KIAA1328: variants seen among roughly 807,000 people sequenced by gnomAD.
The protein encoded by KIAA1328 is protein hinderin.
A neutral mutation model predicts 68.1 loss-of-function variants in KIAA1328; 52 were observed. The observed-to-expected ratio is 0.76, with a 90% CI of 0.61 to 0.96. The LOEUF is 0.96. Among genes scored for constraint, KIAA1328 ranks in the 40% least tolerant of loss-of-function variants. The pLI is 0.00. For synonymous variants in KIAA1328, 232 were observed against 239.4 expected, an observed-to-expected ratio of 0.97 and a Z score of 0.28; for missense variants, 641 against 677.6, an observed-to-expected ratio of 0.95 and a Z score of 0.60.
chr18:37,168,808 T>A (rs1400994666), intron 8 of KIAA1328, among the ~76,000 whole-genome samples: 2 of 152,182 alleles, frequency 1.3e-5, no homozygotes, highest in Non-Finnish European at 2.9e-5. Context: ...CTTGCTTTCT[T>A]GAGCTGGGAA....
At position 37,224,125 on chromosome 18, in the gene KIAA1328, T is replaced by C. The variant is rs1011148030; in HGVS notation, c.*1898T>C. On this transcript the variant is annotated 3_prime_UTR_variant, in exon 10 of 10. Transcript: ENST00000280020. ...AAGTTAGGTTGCCAGAACTTTCTTTTCCTTGCCCCCTGTGTCATGACTAGC... is the reference window on the plus strand; with the variant it reads ...AAGTTAGGTTGCCAGAACTTTCTTTCCCTTGCCCCCTGTGTCATGACTAGC... 45 of 985,374 alleles carry C rather than the reference T, an allele frequency of 4.6e-5. No homozygotes were observed. In the African/African-American group the frequency reaches 7.5e-4, roughly 16 times the overall value. 61.0% of individuals were successfully genotyped at this position (985,374 alleles called of 1,614,324 possible). A position where few individuals can be genotyped will look rare whatever the true frequency, so the allele number is the denominator to read the frequency against.
At chr18:36,939,112 A>G (rs2050613339) in intron 5 of KIAA1328, among the ~76,000 whole-genome samples, 1 of 151,686 alleles carries the variant, frequency 6.6e-6, no homozygotes, top group Non-Finnish European at 1.5e-5. Context: ...TGTTTTTCCT[A>G]TTTTTCTGTT....
intron 6 of KIAA1328, among the ~76,000 whole-genome samples, chr18:37,056,430 C>G (rs1284526872): frequency 6.7e-6 from 1 of 150,152 alleles, no homozygotes; most frequent in Non-Finnish European, 1.5e-5. Context: ...TTTTTTAATC[C>G]TTGTTCTTTT....
chr18:37,109,322 C>A (rs1419001695), intron 7 of KIAA1328, among the ~76,000 whole-genome samples: 1 of 152,156 alleles, frequency 6.6e-6, no homozygotes, highest in Non-Finnish European at 1.5e-5. Context: ...GTATAAACAT[C>A]ATTTGTTAAT....
At chr18:37,071,899 C>G (rs1265155719) in intron 7 of KIAA1328, among the ~76,000 whole-genome samples, 2 of 152,048 alleles carry the variant, frequency 1.3e-5, no homozygotes, top group Non-Finnish European at 2.9e-5. Context: ...AAGAGTTTCT[C>G]ATTGAGAATA....
At position 36,868,453 on chromosome 18, in the gene KIAA1328, A is replaced by G. The variant is rs2047829399; in HGVS notation, c.333-17104A>G. On this transcript the variant is annotated intron_variant, in intron 4 of 9. Coordinates refer to ENST00000280020, the MANE Select transcript of KIAA1328 (RefSeq NM_020776.3). ...CAGTGTCATTTTTGAAGACTTGAAAAATGAATGGCTTTGCAAAATACTATA... is the reference window on the plus strand; with the variant it reads ...CAGTGTCATTTTTGAAGACTTGAAAGATGAATGGCTTTGCAAAATACTATA... Among the ~76,000 whole-genome samples the G allele has an allele frequency of 2.0e-5, 3 of 152,194 alleles. No individual in the cohort carries two copies. The South Asian group carries it at 6.2e-4, about 32-fold the overall frequency.
intron 6 of KIAA1328, among the ~76,000 whole-genome samples, chr18:36,964,251 G>T (rs894991108): frequency 1.6e-4 from 24 of 152,182 alleles, no homozygotes; most frequent in African/African-American, 5.3e-4. Flanking sequence ...GCACAAATAT[G>T]CTAGAGATGG....
At chr18:36,849,884 C>T (rs75388865) in intron 4 of KIAA1328, among the ~76,000 whole-genome samples, 1 of 152,134 alleles carries the variant, frequency 6.6e-6, no homozygotes, top group East Asian at 1.9e-4. Context: ...TGGATTATAG[C>T]CATGCTAGTA....
chr18:37,059,326 G>A (rs1270632979), intron 6 of KIAA1328, among the ~76,000 whole-genome samples: 2 of 151,758 alleles, frequency 1.3e-5, no homozygotes, highest in Non-Finnish European at 2.9e-5. Context: ...AATCTACAAG[G>A]AACTTAAACA....
intron 9 of KIAA1328, among the ~76,000 whole-genome samples, chr18:37,189,144 C>T (rs993392765): frequency 2.6e-5 from 4 of 152,290 alleles, no homozygotes; most frequent in African/African-American, 9.6e-5. Context: ...TCTCTGTTAA[C>T]CCTGGTTACT....
At chr18:37,105,538 A>G (rs927305365) in intron 7 of KIAA1328, among the ~76,000 whole-genome samples, 14 of 151,758 alleles carry the variant, frequency 9.2e-5, no homozygotes, top group African/African-American at 3.4e-4. Flanking sequence ...TACTGCAGAA[A>G]AGTATTTGCT....
chr18:36,885,698 T>C (rs2048474762), intron 5 of KIAA1328, 26 bp downstream of exon 5: 1 of 1,403,208 alleles, frequency 7.1e-7, no homozygotes, highest in Admixed American at 2.3e-5. Flanking sequence ...TTCTCTTTTT[T>C]AACGTTCAAG....
chr18:37,110,834 G>A (rs1034848877), intron 7 of KIAA1328, among the ~76,000 whole-genome samples: 5 of 152,124 alleles, frequency 3.3e-5, no homozygotes, highest in African/African-American at 1.2e-4. Flanking sequence ...CGTCTCAGAA[G>A]AACTTGCAAT....
chr18:37,185,821 ACTGT>A (rs959546300), intron 9 of KIAA1328, among the ~76,000 whole-genome samples: 2 of 151,820 alleles, frequency 1.3e-5, no homozygotes, highest in East Asian at 1.9e-4. Context: ...AAAAAAAAAG[ACTGT>A]CTGTTTTTCT....
chr18:36,942,357 C>T (rs2050746649), intron 5 of KIAA1328, among the ~76,000 whole-genome samples: 1 of 152,146 alleles, frequency 6.6e-6, no homozygotes, highest in African/African-American at 2.4e-5. Flanking sequence ...GTTTTCTGAA[C>T]AAGTGGTGTA....
chr18:37,142,514 A>C (rs1039780603), intron 7 of KIAA1328, among the ~76,000 whole-genome samples: 1 of 151,996 alleles, frequency 6.6e-6, no homozygotes, highest in Non-Finnish European at 1.5e-5. Context: ...TTCCATACAG[A>C]TATTCTGTTT....
intron 6 of KIAA1328, among the ~76,000 whole-genome samples, chr18:36,987,305 A>C (rs2052968211): frequency 7.2e-6 from 1 of 138,652 alleles, no homozygotes; most frequent in Non-Finnish European, 1.6e-5. Flanking sequence ...TGGACACAGG[A>C]AGGGGAATAT....
chr18:37,089,998 T>G (rs1461740189), intron 7 of KIAA1328, among the ~76,000 whole-genome samples: 3 of 152,194 alleles, frequency 2.0e-5, no homozygotes, highest in Non-Finnish European at 4.4e-5. Context: ...CTCTTATTTG[T>G]CATTAAGGCC....
chr18:36,930,724 A>G (rs1229844235), intron 5 of KIAA1328, among the ~76,000 whole-genome samples: 1 of 152,036 alleles, frequency 6.6e-6, no homozygotes, highest in Non-Finnish European at 1.5e-5. Context: ...CTGGTCTCCT[A>G]CTGTGCTCCA....
Sources: allele counts gnomAD v4.1 joint callset (sites outside exome capture counted in the v4.1 genomes callset), GRCh38; gene constraint gnomAD v4.1.1; transcripts MANE v1.5; gene names NCBI Gene and HGNC (gene_info 2026-07-23, HGNC 2026-07-21).